The following DIP2C variants were observed in gnomAD, a reference collection of about 807,000 sequenced individuals.
The protein encoded by DIP2C is disco-interacting protein 2 homolog C.
Under a neutral mutation model 192.4 loss-of-function variants are expected in DIP2C, and 33 were observed. The observed-to-expected ratio is 0.17, with a 90% CI of 0.13 to 0.23. The LOEUF is 0.23. Ranked by LOEUF, DIP2C falls within the 10% of genes least tolerant of loss-of-function variation. The pLI is 1.00. For synonymous variants in DIP2C, 979 were observed against 864.1 expected, an observed-to-expected ratio of 1.13 and a Z score of -2.33; for missense variants, 1,537 against 2,110.1, an observed-to-expected ratio of 0.73 and a Z score of 5.32.
intron 29 of DIP2C, among the ~76,000 whole-genome samples, chr10:334,616 G>T (rs1014167992): frequency 6.6e-6 from 1 of 152,166 alleles, no homozygotes. Flanking sequence ...ATATGACGTT[G>T]AGTCAAGGTT....
In DIP2C at chr10:384,616, C is replaced by T; in HGVS notation, c.1686G>A (p.Val562=). 2 of 1,613,984 alleles carry T rather than the reference C, an allele frequency of 1.2e-6. No homozygotes were observed. Among genetic ancestry groups the T allele is most frequent in the African/African-American group, 1.3e-5 (1 of 75,022 alleles). The stretch of plus-strand genomic sequence containing the variant: ...TCATCAGCGAGTACGGGATGCTGAT[C>T]ACATGCATCATGTTCATGACGCTCT... ...ILTSVMNMMH[V]ISIPYSLMKV... is the part of the protein sequence containing the mutation. Residue 562 remains valine, a synonymous_variant, in exon 15 of 37, where the codon GTG becomes GTA. Transcript: ENST00000280886.
chr10:321,529 GCGGGGGC>G, intron 31 of DIP2C, among the ~76,000 whole-genome samples: 3 of 104,404 alleles, frequency 2.9e-5, no homozygotes, highest in South Asian at 3.3e-4. Context: ...GGGAAGGCCT[GCGGGGGC>G]TCCAGCGAGA....
chr10:366,317 C>T lies in DIP2C; in HGVS notation c.2226G>A (p.Thr742=), dbSNP rs138284310. Residue 742 remains threonine, a synonymous_variant, in exon 19 of 37, where the codon ACG becomes ACA. Coordinates refer to ENST00000280886, the MANE Select transcript of DIP2C (RefSeq NM_014974.3). ...TCATGCCAGAGAGGCCATAGTAGGA[C>T]GTGCCCGTCGCAACTGCACACACAC... The part of the protein sequence containing the change: ...ELCVCAVATG[T]SYYGLSGMTK... 39 of 1,613,906 alleles carry T rather than the reference C, an allele frequency of 2.4e-5. No individual in the cohort carries two copies. The highest frequency in any genetic ancestry group is 1.3e-4 in the African/African-American group (10 of 75,046).
intron 1 of DIP2C, among the ~76,000 whole-genome samples, chr10:499,031 T>G (rs556875258): frequency 6.6e-6 from 1 of 152,254 alleles, no homozygotes; most frequent in African/African-American, 2.4e-5. Context: ...CCACCAGTTT[T>G]CATGCAAGGC....
intron 1 of DIP2C, among the ~76,000 whole-genome samples, chr10:556,000 A>G (rs966489379): frequency 6.6e-6 from 1 of 152,180 alleles, no homozygotes; most frequent in South Asian, 2.1e-4. Flanking sequence ...CAAATTCTCA[A>G]GGAAATCCTG....
At chr10:435,539 G>A (rs1334381076) in intron 4 of DIP2C, among the ~76,000 whole-genome samples, 4 of 152,156 alleles carry the variant, frequency 2.6e-5, no homozygotes, top group Non-Finnish European at 4.4e-5. Flanking sequence ...CAATCCCAGC[G>A]GGGGTTCCTT....
intron 3 of DIP2C, among the ~76,000 whole-genome samples, chr10:452,359 G>A (rs75210474): frequency 0.016 from 2,384 of 152,218 alleles, 69 homozygotes; most frequent in African/African-American, 0.054. Flanking sequence ...CCCTTAGAGC[G>A]CGCACTAACC....
chr10:293,114 C>G (rs1233021142), intron 32 of DIP2C, among the ~76,000 whole-genome samples: 1 of 152,260 alleles, frequency 6.6e-6, no homozygotes, highest in Non-Finnish European at 1.5e-5. Flanking sequence ...GGTGGGGCAT[C>G]TGATGCAGAT....
At chr10:576,339 A>C (rs1301044257) in intron 1 of DIP2C, among the ~76,000 whole-genome samples, 1 of 152,194 alleles carries the variant, frequency 6.6e-6, no homozygotes, top group Non-Finnish European at 1.5e-5. Context: ...ACAATTACTC[A>C]TACGTGTGTT....
At chr10:674,360 CAAAA>C (rs1302918639) in intron 1 of DIP2C, among the ~76,000 whole-genome samples, 1 of 151,884 alleles carries the variant, frequency 6.6e-6, no homozygotes, top group Non-Finnish European at 1.5e-5. Flanking sequence ...AAAAAGGAGA[CAAAA>C]AGGTAATTAT....
chr10:581,374 A>G (rs2131590325), intron 1 of DIP2C, among the ~76,000 whole-genome samples: 1 of 152,364 alleles, frequency 6.6e-6, no homozygotes, highest in South Asian at 2.1e-4. Flanking sequence ...TCTTCTGCAA[A>G]TATGAGTTTC....
intron 17 of DIP2C, among the ~76,000 whole-genome samples, chr10:381,402 A>AC (rs1962360402): frequency 6.6e-6 from 1 of 152,186 alleles, no homozygotes; most frequent in African/African-American, 2.4e-5. Context: ...CTAAAATTGT[A>AC]CCTTTAATCC....
chr10:422,242 C>G (rs529801746), intron 5 of DIP2C, among the ~76,000 whole-genome samples: 6 of 152,226 alleles, frequency 3.9e-5, no homozygotes, highest in African/African-American at 9.6e-5. Flanking sequence ...GGCAGAGCGA[C>G]GTGAGGCCCA....
At chr10:488,119 G>A (rs751187113) in intron 1 of DIP2C, among the ~76,000 whole-genome samples, 3 of 152,208 alleles carry the variant, frequency 2.0e-5, no homozygotes, top group Non-Finnish European at 4.4e-5. Context: ...AAAATTTCCA[G>A]ACAAGACTTT....
At chr10:389,032 G>A (rs1183839012) in intron 13 of DIP2C, among the ~76,000 whole-genome samples, 2 of 150,860 alleles carry the variant, frequency 1.3e-5, no homozygotes, top group Non-Finnish European at 3.0e-5. Flanking sequence ...GGGGTTCTCT[G>A]GGGTCTCAAG....
At chr10:554,945 TCAGAGA>T (rs1024057658) in intron 1 of DIP2C, among the ~76,000 whole-genome samples, 68 of 152,186 alleles carry the variant, frequency 4.5e-4, no homozygotes, top group East Asian at 7.7e-4. Flanking sequence ...CTCTGGTTCG[TCAGAGA>T]CAGAGTCTGG....
At chr10:453,536 T>C (rs1969027010) in intron 3 of DIP2C, among the ~76,000 whole-genome samples, 1 of 152,200 alleles carries the variant, frequency 6.6e-6, no homozygotes, top group South Asian at 2.1e-4. Flanking sequence ...TTTTTAAGTA[T>C]CTTTGAGGAA....
chr10:366,252 T>C, intron 19 of DIP2C, 23 bp downstream of exon 19: 2 of 1,610,444 alleles, frequency 1.2e-6, no homozygotes, highest in Middle Eastern at 1.7e-4. Flanking sequence ...ATGGTGCCCA[T>C]GGTAAGACTC....
At chr10:544,547 T>TC (rs1330539754) in intron 1 of DIP2C, among the ~76,000 whole-genome samples, 4 of 152,158 alleles carry the variant, frequency 2.6e-5, no homozygotes, top group Admixed American at 1.3e-4. Context: ...TTCCTTCCCC[T>TC]CCCACTAGCA....
Sources: gnomAD v4.1 joint callset for allele counts (sites outside exome capture counted in the v4.1 genomes callset) on GRCh38, gnomAD v4.1.1 for gene constraint, MANE v1.5 for transcripts, NCBI Gene and HGNC (gene_info 2026-07-23, HGNC 2026-07-21) for gene names.